HCRTR2: variants seen among roughly 807,000 people sequenced by gnomAD.
The protein encoded by HCRTR2 is orexin receptor type 2.
A neutral mutation model predicts 49.0 loss-of-function variants in HCRTR2; 22 were observed. The observed-to-expected ratio is 0.45, with a 90% confidence interval of 0.32 to 0.64. HCRTR2 has a LOEUF of 0.64. Among genes scored for constraint, HCRTR2 ranks in the 30% least tolerant of loss-of-function variants. The pLI, the probability that HCRTR2 is intolerant of heterozygous loss-of-function variation, is 0.04. For synonymous variants in HCRTR2, 236 were observed against 205.3 expected, an observed-to-expected ratio of 1.15 and a Z score of -1.28; for missense variants, 491 against 559.4, an observed-to-expected ratio of 0.88 and a Z score of 1.23.
In HCRTR2 at chr6:55,255,297, C is replaced by T. The variant is rs776617327; in HGVS notation, c.564C>T (p.Ala188=). The T allele has an allele frequency of 2.5e-6, 4 of 1,613,992 alleles. No homozygotes were observed. Among genetic ancestry groups the T allele is most frequent in the South Asian group, 1.1e-5 (1 of 91,076 alleles). Residue 188 remains alanine, a synonymous_variant, in exon 3 of 7, where the codon GCC becomes GCT. Coordinates refer to ENST00000370862, the MANE Select transcript of HCRTR2 (RefSeq NM_001384272.1). ...IVSCIIMIPQ[A]IVMECSTVFP... ...CCTGCATTATAATGATTCCTCAGGCCATCGTCATGGAGTGCAGCACCGTGT... is the reference window on the plus strand; with the variant it reads ...CCTGCATTATAATGATTCCTCAGGCTATCGTCATGGAGTGCAGCACCGTGT...
chr6:55,123,188 G>A (rs113079595), intron 1 of HCRTR2, among the ~76,000 whole-genome samples: 8,662 of 151,848 alleles, frequency 0.057, 379 homozygotes, highest in African/African-American at 0.11. Flanking sequence ...GTGAGAGAGG[G>A]CATCCTTATC....
chr6:55,151,023 C>A (rs1384761519), intron 1 of HCRTR2, among the ~76,000 whole-genome samples: 1 of 151,818 alleles, frequency 6.6e-6, no homozygotes, highest in Admixed American at 6.6e-5. Flanking sequence ...AATTAAATAC[C>A]CTGATTAAAA....
At chr6:55,170,779 G>C (rs182690592), upstream of HCRTR2, among the ~76,000 whole-genome samples, 112 of 124,014 alleles carry the variant, frequency 9.0e-4, no homozygotes, top group Non-Finnish European at 1.3e-3. Flanking sequence ...TCCCCTTCCT[G>C]TGTCCAGGTG....
At chr6:55,202,388 C>A (rs1448062458) in intron 1 of HCRTR2, among the ~76,000 whole-genome samples, 1 of 152,152 alleles carries the variant, frequency 6.6e-6, no homozygotes, top group African/African-American at 2.4e-5. Flanking sequence ...GATAGACATT[C>A]ATCAATGGAA....
chr6:55,146,597 C>CT (rs34067488), intron 1 of HCRTR2, among the ~76,000 whole-genome samples: 18,726 of 144,612 alleles, frequency 0.13, 1,349 homozygotes, highest in East Asian at 0.28. Context: ...AAAAAACAAG[C>CT]TTTTTTTTTC....
At chr6:55,170,147 T>A (rs943726908), upstream of HCRTR2, among the ~76,000 whole-genome samples, 2 of 151,806 alleles carry the variant, frequency 1.3e-5, no homozygotes. Context: ...AAAAATTTAA[T>A]CTAGGTATTT....
chr6:55,177,340 G>A (rs549061864), intron 1 of HCRTR2, among the ~76,000 whole-genome samples: 2 of 152,286 alleles, frequency 1.3e-5, no homozygotes, highest in South Asian at 4.1e-4. Flanking sequence ...ATGAGGTTTA[G>A]GTTTGACATT....
At chr6:55,224,453 T>TAA (rs57961518) in intron 1 of HCRTR2, among the ~76,000 whole-genome samples, 39 of 149,384 alleles carry the variant, frequency 2.6e-4, no homozygotes, top group African/African-American at 5.9e-4. Context: ...CCATCTCCAC[T>TAA]AAAAAAAAAT....
Position 55,255,245 on chromosome 6 carries a change from A to G in HCRTR2, c.512A>G (p.Asn171Ser), listed in dbSNP as rs1342935916. The change falls in exon 3 of 7, where the codon AAC becomes AGC. Residue 171 changes from asparagine to serine, a missense_variant. Physicochemically the swap from Asn to Ser is conservative, Grantham distance 46 (BLOSUM62 1). Transcript: ENST00000370862. ...MFKSTAKRAR[N>S]SIVIIWIVSC... ...AAGAGCACAGCAAAGCGGGCCCGTA[A>G]CAGCATTGTCATCATCTGGATTGTC... 2 of 1,614,052 alleles carry G rather than the reference A, an allele frequency of 1.2e-6. No homozygotes were observed. The highest frequency in any genetic ancestry group is 1.7e-6 in the Non-Finnish European group (2 of 1,179,972).
intron 1 of HCRTR2, among the ~76,000 whole-genome samples, chr6:55,133,485 C>G (rs975575474): frequency 4.0e-5 from 6 of 151,704 alleles, no homozygotes; most frequent in Admixed American, 3.9e-4. Flanking sequence ...TTATGATATC[C>G]ATTTCAAAGC....
intron 1 of HCRTR2, among the ~76,000 whole-genome samples, chr6:55,144,287 T>A (rs1056121868): frequency 6.7e-6 from 1 of 150,126 alleles, no homozygotes; most frequent in South Asian, 2.1e-4. Flanking sequence ...TAATTTTGTA[T>A]TTTTTTTTAG....
intron 1 of HCRTR2, among the ~76,000 whole-genome samples, chr6:55,219,762 C>T (rs192497044): frequency 1.0e-3 from 157 of 151,770 alleles, no homozygotes; most frequent in Non-Finnish European, 1.7e-3. Flanking sequence ...ATGAAACTAA[C>T]AGCTGCTTTT....
intron 2 of HCRTR2, among the ~76,000 whole-genome samples, chr6:55,249,845 C>T (rs552778995): frequency 3.0e-4 from 46 of 152,226 alleles, no homozygotes; most frequent in Non-Finnish European, 4.3e-4. Context: ...ATGGTGACCA[C>T]TCTCTGCTTG....
intron 1 of HCRTR2, among the ~76,000 whole-genome samples, chr6:55,231,240 C>T (rs1766108798): frequency 6.6e-6 from 1 of 152,014 alleles, no homozygotes; most frequent in Non-Finnish European, 1.5e-5. Context: ...TACAGGTATT[C>T]TATTAAAGGA....
Position 55,255,127 on chromosome 6 carries a change from T to C in HCRTR2, c.403-9T>C, listed in dbSNP as rs368748335. The C allele has an allele frequency of 9.3e-6, 15 of 1,613,806 alleles. No individual in the cohort carries two copies. In the African/African-American group the frequency reaches 1.6e-4, roughly 17 times the overall value. On this transcript the variant is annotated splice_polypyrimidine_tract_variant and intron_variant, in intron 2 of 6. Coordinates refer to ENST00000370862, the MANE Select transcript of HCRTR2 (RefSeq NM_001384272.1). ...GCTTCTCTATTACTATGATCTTTCT[T>C]TTCTCTAGACCGTGTCGGTGTCTGT...
chr6:55,174,342 G>A (rs529721189), upstream of HCRTR2: 1 of 542,928 alleles, frequency 1.8e-6, no homozygotes, highest in South Asian at 2.0e-5. Flanking sequence ...CTCCAGTGCC[G>A]GGTCCCTAGT....
At chr6:55,275,561 T>C (rs1284361791) in intron 4 of HCRTR2, among the ~76,000 whole-genome samples, 1 of 152,224 alleles carries the variant, frequency 6.6e-6, no homozygotes, top group Middle Eastern at 3.4e-3. Context: ...ACTACATTTT[T>C]TTTTTCCCGA....
chr6:55,234,629 T>C (rs1370772412), intron 1 of HCRTR2, among the ~76,000 whole-genome samples: 2 of 152,112 alleles, frequency 1.3e-5, no homozygotes, highest in East Asian at 3.9e-4. Flanking sequence ...TGGCAACAAA[T>C]GTATAATATG....
intron 2 of HCRTR2, 39 bp downstream of exon 2, chr6:55,248,856 A>G (rs1766496594): frequency 6.4e-7 from 1 of 1,558,520 alleles, no homozygotes; most frequent in East Asian, 2.2e-5. Flanking sequence ...TACTAAAAAG[A>G]ATGTTCAGCC....
Sources: allele counts gnomAD v4.1 joint callset (sites outside exome capture counted in the v4.1 genomes callset), GRCh38; gene constraint gnomAD v4.1.1; transcripts MANE v1.5; gene names NCBI Gene and HGNC (gene_info 2026-07-23, HGNC 2026-07-21).